ABCC4: variants seen among roughly 807,000 people sequenced by gnomAD.
The protein encoded by ABCC4 is ATP-binding cassette sub-family C member 4.
A neutral mutation model predicts 168.5 loss-of-function variants in ABCC4; 102 were observed. The ratio of observed to expected loss-of-function variants is 0.61; its 90% CI spans 0.52 to 0.71. ABCC4 has a LOEUF of 0.71. Ranked by LOEUF, ABCC4 falls within the 30% of genes least tolerant of loss-of-function variation. The pLI is 0.00. For synonymous variants in ABCC4, 617 were observed against 590.7 expected (o/e 1.04, Z -0.65); for missense variants, 1,402 against 1,605.8 (o/e 0.87, Z 2.17).
intron 29 of ABCC4, among the ~76,000 whole-genome samples, chr13:95,042,924 C>A (rs2032420436): frequency 6.6e-6 from 1 of 152,152 alleles, no homozygotes; most frequent in Admixed American, 6.5e-5. Context: ...CGCCTGCCAC[C>A]ACATCCAGGT....
At chr13:95,130,265 AT>A (rs943027203) in intron 19 of ABCC4, among the ~76,000 whole-genome samples, 3 of 152,190 alleles carry the variant, frequency 2.0e-5, no homozygotes, top group African/African-American at 7.2e-5. Context: ...TATATTTACT[AT>A]TTTTAAGAGA....
At position 95,136,317 on chromosome 13, in the gene ABCC4, G is replaced by A. The variant is rs117994753; in HGVS notation, c.2456-20316C>T. Among the ~76,000 whole-genome samples the A allele has an allele frequency of 7.4e-3, 1,133 of 152,106 alleles. 10 individuals are homozygous for A. Among genetic ancestry groups the A allele is most frequent in the Non-Finnish European group, 0.013 (877 of 68,000 alleles). ...CTACAGGCATGCACCACCACGCCTG[G>A]GTAATTTTTGTACTTTTTGAAGAGA... is the stretch of plus-strand genomic sequence containing the variant. On this transcript the variant is annotated intron_variant, in intron 19 of 30. Transcript: ENST00000645237.
At chr13:95,151,030 G>C (rs2036656481) in intron 19 of ABCC4, among the ~76,000 whole-genome samples, 1 of 152,178 alleles carries the variant, frequency 6.6e-6, no homozygotes, top group Non-Finnish European at 1.5e-5. Flanking sequence ...ATAAAATCAA[G>C]GCCAATGAAT....
intron 8 of ABCC4, among the ~76,000 whole-genome samples, chr13:95,196,592 GGAA>G (rs2038431481): frequency 5.6e-4 from 1 of 1,784 alleles, no homozygotes; most frequent in Non-Finnish European, 1.7e-3. Flanking sequence ...GAGGAAGGAA[GGAA>G]GGAAGGAAGG....
intron 11 of ABCC4, among the ~76,000 whole-genome samples, chr13:95,181,000 T>G (rs1264437222): frequency 4.6e-5 from 7 of 152,202 alleles, no homozygotes; most frequent in Admixed American, 4.6e-4. Flanking sequence ...TCAGGCTAAT[T>G]TCCTAGCCAT....
chr13:95,079,310 T>C (rs1336459807), intron 21 of ABCC4, among the ~76,000 whole-genome samples: 1 of 152,236 alleles, frequency 6.6e-6, no homozygotes, highest in Non-Finnish European at 1.5e-5. Context: ...AGAGATTTTC[T>C]GTCTTCTCTG....
At chr13:95,274,307 A>G (rs1251807847) in intron 1 of ABCC4, among the ~76,000 whole-genome samples, 2 of 152,038 alleles carry the variant, frequency 1.3e-5, no homozygotes, top group South Asian at 2.1e-4. Context: ...GGCTGGGGAG[A>G]GACTGTCCTT....
chr13:95,122,215 C>T (rs1181634989), intron 19 of ABCC4, among the ~76,000 whole-genome samples: 2 of 152,156 alleles, frequency 1.3e-5, no homozygotes, highest in African/African-American at 4.8e-5. Flanking sequence ...TTCCTGTTTG[C>T]TTATACATCC....
intron 9 of ABCC4, among the ~76,000 whole-genome samples, chr13:95,193,210 G>T (rs2038312494): frequency 6.6e-6 from 1 of 152,222 alleles, no homozygotes; most frequent in African/African-American, 2.4e-5. Flanking sequence ...AGTGGGGCTG[G>T]GCAGGAGTGC....
At chr13:95,104,584 A>T (rs886351103) in intron 20 of ABCC4, among the ~76,000 whole-genome samples, 1 of 152,240 alleles carries the variant, frequency 6.6e-6, no homozygotes, top group South Asian at 2.1e-4. Context: ...ACAATTTTTT[A>T]AAGTGAAGAT....
intron 25 of ABCC4, among the ~76,000 whole-genome samples, chr13:95,066,142 A>T (rs1486768490): frequency 6.6e-6 from 1 of 152,198 alleles, no homozygotes; most frequent in Non-Finnish European, 1.5e-5. Flanking sequence ...AGAGATGCCT[A>T]ATTCTTCATA....
chr13:95,090,549 AC>A (rs1216535340), intron 20 of ABCC4, among the ~76,000 whole-genome samples: 1 of 152,162 alleles, frequency 6.6e-6, no homozygotes, highest in Non-Finnish European at 1.5e-5. Context: ...GGTTCGGCTC[AC>A]AGGAAGCCGT....
chr13:95,177,930 T>C, intron 12 of ABCC4, 67 bp downstream of exon 12: 4 of 1,550,654 alleles, frequency 2.6e-6, no homozygotes, highest in Non-Finnish European at 3.6e-6. Flanking sequence ...AAGCAGGTCC[T>C]ATGTGCTCAC....
chr13:95,189,759 G>T (rs761763130), intron 9 of ABCC4, among the ~76,000 whole-genome samples: 1 of 152,124 alleles, frequency 6.6e-6, no homozygotes, highest in Non-Finnish European at 1.5e-5. Flanking sequence ...GAAATTAAGT[G>T]TATGTTCATA....
intron 20 of ABCC4, among the ~76,000 whole-genome samples, chr13:95,114,757 C>A (rs1449125916): frequency 6.6e-6 from 1 of 152,166 alleles, no homozygotes; most frequent in African/African-American, 2.4e-5. Context: ...AAGCCTATGA[C>A]TGATTTTTCT....
intron 29 of ABCC4, among the ~76,000 whole-genome samples, chr13:95,040,523 A>G (rs2032310659): frequency 6.6e-6 from 1 of 152,184 alleles, no homozygotes; most frequent in South Asian, 2.1e-4. Context: ...GGCATGAGCC[A>G]CCGCGCCCAG....
chr13:95,264,386 C>T (rs984887011), intron 1 of ABCC4, among the ~76,000 whole-genome samples: 1 of 152,142 alleles, frequency 6.6e-6, no homozygotes, highest in Non-Finnish European at 1.5e-5. Context: ...CCATAAAACA[C>T]TTACCTAAAA....
At chr13:95,293,772 C>T (rs1020253697) in intron 1 of ABCC4, among the ~76,000 whole-genome samples, 4 of 139,422 alleles carry the variant, frequency 2.9e-5, no homozygotes, top group African/African-American at 1.0e-4. Context: ...GCCTGGACTA[C>T]GTTTTCTTTT....
chr13:95,061,911 C>T (rs1401733952), intron 26 of ABCC4, among the ~76,000 whole-genome samples: 1 of 151,994 alleles, frequency 6.6e-6, no homozygotes, highest in Non-Finnish European at 1.5e-5. Flanking sequence ...TAAATATGAA[C>T]CAAAGCAATG....
Sources: allele counts gnomAD v4.1 joint callset (sites outside exome capture counted in the v4.1 genomes callset), GRCh38; gene constraint gnomAD v4.1.1; transcripts MANE v1.5; gene names NCBI Gene and HGNC (gene_info 2026-07-23, HGNC 2026-07-21).